Variants in YWHAE observed in about 807,000 individuals in gnomAD.
YWHAE encodes the protein tyrosine 3-monooxygenase/tryptophan 5-monooxygenase activation protein epsilon, also known as 14-3-3 protein epsilon.
Under a neutral mutation model 30.1 loss-of-function variants are expected in YWHAE, and 4 were observed. That is an observed-to-expected ratio of 0.13 (90% confidence interval 0.07 to 0.30). The LOEUF (loss-of-function observed/expected upper bound fraction) is 0.30. Among genes scored for constraint, YWHAE ranks in the 10% least tolerant of loss-of-function variants. The probability of loss-of-function intolerance (pLI) is 1.00; values close to 1 mark genes in which losing one functional copy is unlikely to be tolerated. For missense variants in YWHAE, 121 were observed against 315.9 expected (o/e 0.38, Z 4.68); for synonymous variants, 118 against 111.8 (o/e 1.06, Z -0.35).
At chr17:1,364,290 G>C (rs997934152) in intron 2 of YWHAE, among the ~76,000 whole-genome samples, 5 of 151,248 alleles carry the variant, frequency 3.3e-5, no homozygotes, top group African/African-American at 1.2e-4. Context: ...GCAGCAGTGC[G>C]ATCTCGGCTC....
chr17:1,361,501 A>G (rs1437199637), intron 3 of YWHAE, among the ~76,000 whole-genome samples: 2 of 152,120 alleles, frequency 1.3e-5, no homozygotes, highest in East Asian at 3.8e-4. Context: ...ATATTACTAA[A>G]TATAAGCAAA....
intron 4 of YWHAE, among the ~76,000 whole-genome samples, chr17:1,357,408 A>G (rs1383298829): frequency 6.7e-6 from 1 of 149,280 alleles, no homozygotes; most frequent in Non-Finnish European, 1.5e-5. Context: ...GTCTCAAAAA[A>G]AAAAAAAAAA....
chr17:1,396,718 C>G (rs187086743), intron 1 of YWHAE, among the ~76,000 whole-genome samples: 3 of 152,144 alleles, frequency 2.0e-5, no homozygotes, highest in Non-Finnish European at 4.4e-5. Context: ...CTCGGCCTCC[C>G]GGGTTCAAGT....
chr17:1,364,518 G>A (rs1022477260), intron 2 of YWHAE, among the ~76,000 whole-genome samples: 6 of 152,080 alleles, frequency 3.9e-5, no homozygotes, highest in Middle Eastern at 3.2e-3. Flanking sequence ...GAGCCACCGC[G>A]CCTGGCCAAC....
At chr17:1,395,840 C>A (rs751262680) in intron 1 of YWHAE, among the ~76,000 whole-genome samples, 1 of 152,138 alleles carries the variant, frequency 6.6e-6, no homozygotes, top group Non-Finnish European at 1.5e-5. Flanking sequence ...CAGCTCTCAG[C>A]GGGCTCAGTG....
chr17:1,372,309 T>C (rs2073055496), intron 1 of YWHAE, among the ~76,000 whole-genome samples: 1 of 152,258 alleles, frequency 6.6e-6, no homozygotes, highest in Non-Finnish European at 1.5e-5. Flanking sequence ...GGGAATAGTA[T>C]GGCAGGTTTG....
intron 1 of YWHAE, among the ~76,000 whole-genome samples, chr17:1,397,062 G>A (rs1389661821): frequency 6.6e-6 from 1 of 151,236 alleles, no homozygotes; most frequent in East Asian, 1.9e-4. Flanking sequence ...GCTATGCCCG[G>A]ATAATTTTTT....
At chr17:1,377,397 A>G (rs1479617835) in intron 1 of YWHAE, among the ~76,000 whole-genome samples, 1 of 152,190 alleles carries the variant, frequency 6.6e-6, no homozygotes, top group Admixed American at 6.5e-5. Context: ...CAAGAACAGT[A>G]AAAGCAATCA....
At chr17:1,385,144 CAAAAAAAAA>C (rs56023639) in intron 1 of YWHAE, among the ~76,000 whole-genome samples, 1 of 86,824 alleles carries the variant, frequency 1.2e-5, no homozygotes, top group Non-Finnish European at 2.3e-5. Flanking sequence ...GACTCTGTCT[CAAAAAAAAA>C]AAAAAAAAAA....
At chr17:1,365,782 T>C (rs1173520044) in intron 1 of YWHAE, among the ~76,000 whole-genome samples, 1 of 152,192 alleles carries the variant, frequency 6.6e-6, no homozygotes, top group Non-Finnish European at 1.5e-5. Flanking sequence ...CTCTCCAACA[T>C]TACCCACGTT....
intron 1 of YWHAE, among the ~76,000 whole-genome samples, chr17:1,394,667 T>TA (rs1466016028): frequency 1.3e-5 from 2 of 151,834 alleles, no homozygotes; most frequent in Non-Finnish European, 2.9e-5. Context: ...ATGTGCCCAT[T>TA]AAAAAATTAA....
chr17:1,351,075 A>C (rs779292186), intron 5 of YWHAE, among the ~76,000 whole-genome samples: 10 of 150,424 alleles, frequency 6.6e-5, no homozygotes, highest in African/African-American at 2.2e-4. Flanking sequence ...CAAAACAAAA[A>C]ATCAGCCAGG....
chr17:1,380,223 T>C (rs1179482962), intron 1 of YWHAE, among the ~76,000 whole-genome samples: 1 of 151,324 alleles, frequency 6.6e-6, no homozygotes, highest in African/African-American at 2.4e-5. Context: ...AAGAGTCTCC[T>C]GCCTCAGCCT....
At chr17:1,385,207 C>T (rs1468439953) in intron 1 of YWHAE, among the ~76,000 whole-genome samples, 1 of 142,738 alleles carries the variant, frequency 7.0e-6, no homozygotes, top group Non-Finnish European at 1.5e-5. Flanking sequence ...CATTCTGAAA[C>T]CAGAAAAGTT....
intron 1 of YWHAE, among the ~76,000 whole-genome samples, chr17:1,365,509 T>C (rs1230664657): frequency 1.3e-5 from 2 of 151,748 alleles, no homozygotes; most frequent in African/African-American, 4.8e-5. Context: ...ATATACGGAG[T>C]ATATGGTTGG....
Position 1,362,010 on chromosome 17 carries a change from T to TAAA in YWHAE, c.265-5_265-3dup. The stretch of plus-strand genomic sequence containing the variant: ...GATTAACTTTAGCTCAGTCTCAACC[T>TAAA]AAAAAAAAAAAAATTTTTTTTAAAT... On this transcript the variant is annotated splice_polypyrimidine_tract_variant and splice_region_variant and intron_variant, in intron 2 of 5. Coordinates refer to ENST00000264335, the MANE Select transcript of YWHAE (RefSeq NM_006761.5). 1.1e-5 allele frequency: 13 copies of TAAA among 1,184,556 alleles called. No individual in the cohort carries two copies. Among genetic ancestry groups the TAAA allele is most frequent in the South Asian group, 6.6e-5 (4 of 60,394 alleles). The allele number at this position is 1,184,556 out of a possible 1,614,324, so 73.4% of individuals were successfully genotyped here. A position where few individuals can be genotyped will look rare whatever the true frequency, so the allele number is the denominator to read the frequency against.
chr17:1,362,140 TCTTC>T, intron 2 of YWHAE, 132 bp from the exon 3 acceptor site: 1 of 554,144 alleles, frequency 1.8e-6, no homozygotes, highest in Non-Finnish European at 3.1e-6. Flanking sequence ...CAAACTCCCT[TCTTC>T]CTTCTTGACA....
rs909558168 is a variant in YWHAE, at chr17:1,348,747, G to C, written c.716-3248C>G. Among the ~76,000 whole-genome samples the C allele has an allele frequency of 3.3e-5, 5 of 152,330 alleles. No individual in the cohort carries two copies. The South Asian group carries it at 1.0e-3, about 32-fold the overall frequency. On this transcript the variant is annotated intron_variant, in intron 5 of 5. Coordinates refer to ENST00000264335, the MANE Select transcript of YWHAE (RefSeq NM_006761.5). ...CCAATTTATTAAAAAATGTAGGCCG[G>C]GAACAGTGGCTCACGCCTGTAATCC...
At chr17:1,370,857 G>A (rs562873487) in intron 1 of YWHAE, among the ~76,000 whole-genome samples, 11 of 152,050 alleles carry the variant, frequency 7.2e-5, no homozygotes, top group East Asian at 2.0e-4. Flanking sequence ...AAAATCAGCC[G>A]GGCATGGTGG....
Sources: allele counts gnomAD v4.1 joint callset (sites outside exome capture counted in the v4.1 genomes callset), GRCh38; gene constraint gnomAD v4.1.1; transcripts MANE v1.5; gene names NCBI Gene and HGNC (gene_info 2026-07-23, HGNC 2026-07-21).